Variants in TNRC18 observed in about 807,000 individuals in gnomAD.
TNRC18 encodes trinucleotide repeat-containing gene 18 protein.
Under a neutral mutation model 226.7 loss-of-function variants are expected in TNRC18, and 69 were observed. The ratio of observed to expected loss-of-function variants is 0.30; its 90% CI spans 0.25 to 0.37. TNRC18 has a LOEUF of 0.37. TNRC18 is among the 10% of genes least tolerant of loss of function. TNRC18 has a pLI of 1.00. For missense variants in TNRC18, 4,754 were observed against 4,256.6 expected (o/e 1.12, Z -3.25); for synonymous variants, 2,449 against 1,927.6 (o/e 1.27, Z -7.09).
intron 9 of TNRC18, 82 bp from the exon 10 acceptor site, chr7:5,374,566 G>A: frequency 7.1e-7 from 1 of 1,404,938 alleles, no homozygotes; most frequent in Non-Finnish European, 9.4e-7. Flanking sequence ...TCCCCCCAAG[G>A]GTCCCCGAGT....
Position 5,376,165 on chromosome 7 carries a change from G to A in TNRC18, c.2668C>T (p.Arg890Cys), listed in dbSNP as rs755404265. The A allele has an allele frequency of 5.1e-5, 80 of 1,573,374 alleles. No homozygotes were observed. Among genetic ancestry groups the A allele is most frequent in the South Asian group, 7.0e-5 (6 of 85,700 alleles). ...PLWPALYPPG[R>C]SPLHHAQQLQ... ...TGCTGGGCGTGGTGCAGGGGGCTGC[G>A]GCCCGGCGGGTACAGGGCGGGCCAG... Residue 890 changes from arginine (R) to cysteine (C), a missense_variant, in exon 9 of 30, where the codon CGC (arginine) becomes TGC (cysteine). Coordinates refer to ENST00000430969, the MANE Select transcript of TNRC18 (RefSeq NM_001080495.3).
At chr7:5,419,493 G>A (rs1004406819) in intron 2 of TNRC18, among the ~76,000 whole-genome samples, 1 of 152,356 alleles carries the variant, frequency 6.6e-6, no homozygotes, top group East Asian at 1.9e-4. Context: ...CGGTGGACTT[G>A]TGGGGAGCGC....
chr7:5,309,969 G>C lies in TNRC18; in HGVS notation c.8389-601C>G, dbSNP rs751659312. On this transcript the variant is annotated intron_variant, in intron 27 of 29. Coordinates refer to ENST00000430969, the MANE Select transcript of TNRC18 (RefSeq NM_001080495.3). This position sits in a 1 kb window ranked among gnomAD's most constrained non-coding sequence, Gnocchi z 5.7. Reference sequence around the variant, plus strand: ...GCTCTGTCACCCAGGCAGGACTGCAGTGGTAATATCATAGCTCACTGCAGC... The same window carrying C: ...GCTCTGTCACCCAGGCAGGACTGCACTGGTAATATCATAGCTCACTGCAGC... 1.3e-4 allele frequency among the ~76,000 whole-genome samples: 20 copies of C among 152,170 alleles called. No homozygotes were observed. The highest frequency in any genetic ancestry group is 2.5e-4 in the Non-Finnish European group (17 of 68,040).
intron 2 of TNRC18, among the ~76,000 whole-genome samples, chr7:5,408,871 C>T (rs1019712854): frequency 6.6e-6 from 1 of 152,166 alleles, no homozygotes; most frequent in Non-Finnish European, 1.5e-5. Flanking sequence ...GCACTGACCC[C>T]TCTGTTTACT....
chr7:5,381,128 A>G (rs1219842257), intron 5 of TNRC18, among the ~76,000 whole-genome samples: 2 of 152,060 alleles, frequency 1.3e-5, no homozygotes, highest in African/African-American at 2.4e-5. Flanking sequence ...ATATCAGAGC[A>G]CCTGCCACCC....
At position 5,394,896 on chromosome 7, in the gene TNRC18, C is replaced by T. The variant is rs1780562558; in HGVS notation, c.188-301G>A. On this transcript the variant is annotated intron_variant, in intron 2 of 29. Coordinates refer to ENST00000430969, the MANE Select transcript of TNRC18 (RefSeq NM_001080495.3). The surrounding 1 kb of genome is among the most constrained non-coding windows in gnomAD (Gnocchi z 4.5). The stretch of plus-strand genomic sequence containing the variant: ...CTCGGAGGAGGGCCTTCCACCCCTG[C>T]CGCCCAACCAGCCCAGATCCGGCCC... Among the ~76,000 whole-genome samples the T allele has an allele frequency of 6.6e-6, 1 of 152,154 alleles. No homozygotes were observed.
chr7:5,345,517 G>GGGGGGGGGGCCGGCCGCCCCCCC, intron 18 of TNRC18, 45 bp downstream of exon 18: 1 of 377,744 alleles, frequency 2.6e-6, no homozygotes, highest in Non-Finnish European at 4.8e-6. Context: ...AATGGCGTCC[G>GGGGGGGGGGCCGGCCGCCCCCCC]CCCCTCCCAC....
At chr7:5,368,465 C>T (rs550652829) in intron 11 of TNRC18, among the ~76,000 whole-genome samples, 29 of 152,076 alleles carry the variant, frequency 1.9e-4, no homozygotes, top group African/African-American at 6.3e-4. Context: ...GAGTACGAGA[C>T]CAGCCTGGCC....
intron 2 of TNRC18, among the ~76,000 whole-genome samples, chr7:5,397,103 C>G (rs1780743764): frequency 6.6e-6 from 1 of 152,198 alleles, no homozygotes; most frequent in Admixed American, 6.5e-5. Flanking sequence ...TCCAGTCCAG[C>G]CAGGCCCAGC....
chr7:5,370,725 G>T lies in TNRC18; in HGVS notation c.3869C>A (p.Thr1290Asn). ...AQVAPSESQPTLEMSDCDVPA... is the reference protein window; with the variant it reads ...AQVAPSESQPNLEMSDCDVPA... The stretch of plus-strand genomic sequence containing the variant: ...CACGTCACAGTCTGACATTTCTAGG[G>T]TGGGCTGGGACTCGCTCGGTGCCAC... The change falls in exon 11 of 30, where the codon ACC becomes AAC. Residue 1290 changes from threonine (T) to asparagine (N), a missense_variant. Coordinates refer to ENST00000430969, the MANE Select transcript of TNRC18 (RefSeq NM_001080495.3). 6.2e-7 allele frequency: 1 copy of T among 1,608,110 alleles called. No homozygotes were observed. The highest frequency in any genetic ancestry group is 8.5e-7 in the Non-Finnish European group (1 of 1,177,858).
chr7:5,406,482 T>C (rs1781471812), intron 2 of TNRC18, among the ~76,000 whole-genome samples: 1 of 149,340 alleles, frequency 6.7e-6, no homozygotes, highest in African/African-American at 2.5e-5. Flanking sequence ...TTTTTTTTAA[T>C]GTTTTTAAAG....
chr7:5,337,437 T>A (rs986280265), intron 18 of TNRC18, among the ~76,000 whole-genome samples: 2 of 150,480 alleles, frequency 1.3e-5, no homozygotes, highest in African/African-American at 4.9e-5. Context: ...TAAGTCAAGA[T>A]CGCGCCATTG....
intron 2 of TNRC18, among the ~76,000 whole-genome samples, chr7:5,409,432 C>T (rs1207163626): frequency 6.6e-6 from 1 of 151,434 alleles, no homozygotes; most frequent in Non-Finnish European, 1.5e-5. Context: ...AAATTAAATT[C>T]GACAAAAACT....
At chr7:5,363,083 C>T (rs1472889701) in intron 11 of TNRC18, among the ~76,000 whole-genome samples, 6 of 145,532 alleles carry the variant, frequency 4.1e-5, no homozygotes, top group Middle Eastern at 4.2e-3. Context: ...CACCTTAGGT[C>T]GGGAGTTCAA....
Position 5,312,896 on chromosome 7 carries a change from A to AGAGGAGGAGGAG in TNRC18, c.7983_7994dup (p.Ser2668_Ser2671dup). Reference sequence around the variant, plus strand: ...CTGTGGTGGAGGAAGAAGAGGAGGAAGAGGAGGAGGAGGAGGAGGATGAGG... The same window carrying AGAGGAGGAGGAG: ...CTGTGGTGGAGGAAGAAGAGGAGGAAGAGGAGGAGGAGGAGGAGGAGGAGGAGGAGGATGAGG... On this transcript the variant is annotated inframe_insertion, in exon 27 of 30. Transcript: ENST00000430969. This position sits in a 1 kb window ranked among gnomAD's most constrained non-coding sequence, Gnocchi z 6.3. 2.0e-6 allele frequency: 3 copies of AGAGGAGGAGGAG among 1,511,892 alleles called. No homozygotes were observed. Among genetic ancestry groups the AGAGGAGGAGGAG allele is most frequent in the Non-Finnish European group, 1.8e-6 (2 of 1,128,430 alleles). The allele number at this position is 1,511,892 out of a possible 1,614,324, so 93.7% of individuals were successfully genotyped here. A position where few individuals can be genotyped will look rare whatever the true frequency, so the allele number is the denominator to read the frequency against.
intron 10 of TNRC18, among the ~76,000 whole-genome samples, chr7:5,371,905 C>CT (rs1023071223): frequency 1.7e-4 from 26 of 151,226 alleles, no homozygotes; most frequent in South Asian, 8.4e-4. Context: ...ACCCCATTTC[C>CT]TTTTTTTTTG....
In TNRC18 at chr7:5,388,232, T is replaced by G. The variant is rs756618822; in HGVS notation, c.1592A>C (p.His531Pro). ...TQMAVLAAQH[H>P]HSRAEEEAAV... ...GGCCTCCTCTTCGGCGCGGCTGTGG[T>G]GGTGCTGCGCGGCCAGCACGGCCAT... Residue 531 changes from histidine (H) to proline (P), a missense_variant, in exon 5 of 30, where the codon CAC (histidine) becomes CCC (proline). Transcript: ENST00000430969. 2 of 1,603,124 alleles carry G rather than the reference T, an allele frequency of 1.2e-6. No homozygotes were observed. Among genetic ancestry groups the G allele is most frequent in the Non-Finnish European group, 1.7e-6 (2 of 1,175,874 alleles).
In TNRC18 at chr7:5,312,736, T is replaced by C. The variant is rs1220069314; in HGVS notation, c.8155A>G (p.Lys2719Glu). 3.2e-6 allele frequency: 5 copies of C among 1,547,820 alleles called. No homozygotes were observed. In the African/African-American group the frequency reaches 6.9e-5, roughly 21 times the overall value. Residue 2719 changes from lysine (K) to glutamate (E), a missense_variant, in exon 27 of 30, where the codon AAG (lysine) becomes GAG (glutamate). Coordinates refer to ENST00000430969, the MANE Select transcript of TNRC18 (RefSeq NM_001080495.3). This position sits in a 1 kb window ranked among gnomAD's most constrained non-coding sequence, Gnocchi z 6.3. ...KARPSAHSPG[K>E]KTPAPQPQAP... ...TGGGGCTGGGGCGCGGGCGTCTTCT[T>C]GCCTGGGGAGTGGGCCGAGGGCCGC...
chr7:5,389,979 G>T, intron 4 of TNRC18: 1 of 176,734 alleles, frequency 5.7e-6, no homozygotes, highest in Non-Finnish European at 1.2e-5. Context: ...GGAAGGCCTA[G>T]CAGGGCCCCT....
Sources: gnomAD v4.1 joint callset for allele counts (sites outside exome capture counted in the v4.1 genomes callset) on GRCh38, gnomAD v4.1.1 for gene constraint, Gnocchi (gnomAD v3.1) non-coding constraint, MANE v1.5 for transcripts, NCBI Gene and HGNC (gene_info 2026-07-23, HGNC 2026-07-21) for gene names.